The following NRG2 variants were observed in gnomAD, a reference collection of about 807,000 sequenced individuals.
The protein encoded by NRG2 is neuregulin 2.
Under a neutral mutation model 73.9 loss-of-function variants are expected in NRG2, and 27 were observed. The ratio of observed to expected loss-of-function variants is 0.37; its 90% CI spans 0.27 to 0.50. NRG2 has a LOEUF of 0.50. Among genes scored for constraint, NRG2 ranks in the 20% least tolerant of loss-of-function variants. NRG2 has a pLI of 0.96. For missense variants in NRG2, 1,126 were observed against 1,210.1 expected (o/e 0.93, Z 1.03); for synonymous variants, 532 against 541.0 (o/e 0.98, Z 0.23).
At chr5:139,899,902 C>A (rs901203194) in intron 1 of NRG2, among the ~76,000 whole-genome samples, 1 of 152,188 alleles carries the variant, frequency 6.6e-6, no homozygotes, top group Non-Finnish European at 1.5e-5. Flanking sequence ...GCCACTAATT[C>A]ATGGTTAATC....
At chr5:139,968,459 C>T (rs750672580) in intron 1 of NRG2, among the ~76,000 whole-genome samples, 2 of 152,186 alleles carry the variant, frequency 1.3e-5, no homozygotes, top group Non-Finnish European at 2.9e-5. Flanking sequence ...TTTTCTGACT[C>T]TGCAAGCCTG....
intron 5 of NRG2, among the ~76,000 whole-genome samples, chr5:139,861,417 T>C (rs1445097041): frequency 6.6e-6 from 1 of 152,178 alleles, no homozygotes; most frequent in South Asian, 2.1e-4. Context: ...GGTTCTGCAT[T>C]TGGAAAAGGG....
intron 1 of NRG2, among the ~76,000 whole-genome samples, chr5:139,913,273 G>T (rs1053964926): frequency 6.6e-6 from 1 of 152,226 alleles, no homozygotes; most frequent in African/African-American, 2.4e-5. Flanking sequence ...CCCTGTATCC[G>T]TTTCTTATAC....
Position 139,849,245 on chromosome 5 carries a change from G to A in NRG2, c.1773-548C>T, listed in dbSNP as rs867353714. On this transcript the variant is annotated intron_variant, in intron 9 of 9. Transcript: ENST00000361474. ...AAGTGGCAGAGCTGGGATGTGACTTGAGGCTAGTCAGGAACCAGGACTCAT... is the reference window on the plus strand; with the variant it reads ...AAGTGGCAGAGCTGGGATGTGACTTAAGGCTAGTCAGGAACCAGGACTCAT... Among the ~76,000 whole-genome samples the A allele has an allele frequency of 7.2e-5, 11 of 152,272 alleles. 1 individual carries two copies. The highest frequency in any genetic ancestry group is 2.2e-4 in the African/African-American group (9 of 41,524).
Position 139,851,766 on chromosome 5 carries a change from A to T in NRG2, c.1610T>A (p.Ile537Asn). Residue 537 changes from isoleucine to asparagine, a missense_variant, in exon 9 of 10, where the codon ATC becomes AAC. Around this residue, in one of 3 missense-constraint regions of NRG2, gnomAD observed 539 missense variants for 703.2 expected, o/e 0.77. Transcript: ENST00000361474. This position sits in a 1 kb window ranked among gnomAD's most constrained non-coding sequence, Gnocchi z 4.2. ...ESLTSDSQSG[I>N]MLSSVGTSKC... is the part of the protein sequence containing the mutation. ...GCTGGTACCCACTGATGATAGCATG[A>T]TCCCCGACTGGGAGTCAGAAGTCAG... The T allele has an allele frequency of 6.2e-7, 1 of 1,614,210 alleles. No individual in the cohort carries two copies. Among genetic ancestry groups the T allele is most frequent in the Middle Eastern group, 1.6e-4 (1 of 6,062 alleles).
At position 139,870,701 on chromosome 5, in the gene NRG2, G is replaced by A. The variant is rs376256892; in HGVS notation, c.1112+1020C>T. On this transcript the variant is annotated intron_variant, in intron 4 of 9. Transcript: ENST00000361474. This position sits in a 1 kb window ranked among gnomAD's most constrained non-coding sequence, Gnocchi z 4.4. Reference sequence around the variant, plus strand: ...GCTTGGGCTGCTTTGAAACACTGAAGTTATTAACTAGGCCCCCCTCCCACT... The same window carrying A: ...GCTTGGGCTGCTTTGAAACACTGAAATTATTAACTAGGCCCCCCTCCCACT... Among the ~76,000 whole-genome samples the A allele has an allele frequency of 1.2e-4, 18 of 152,304 alleles. No homozygotes were observed. The East Asian group carries it at 2.5e-3, about 21-fold the overall frequency.
At chr5:139,912,477 C>T (rs1014227529) in intron 1 of NRG2, among the ~76,000 whole-genome samples, 1 of 152,102 alleles carries the variant, frequency 6.6e-6, no homozygotes, top group Non-Finnish European at 1.5e-5. Context: ...CCTCAATGGA[C>T]GATGTCACAG....
In NRG2 at chr5:139,931,471, C is replaced by G. The variant is rs573786638; in HGVS notation, c.701-43960G>C. On this transcript the variant is annotated intron_variant, in intron 1 of 9. Coordinates refer to ENST00000361474, the MANE Select transcript of NRG2 (RefSeq NM_004883.3). ...GGAAGAGATGAAACAGAAAGGAGGCCCTTCCCCTGGTCCGAGGCTACAAGG... is the reference window on the plus strand; with the variant it reads ...GGAAGAGATGAAACAGAAAGGAGGCGCTTCCCCTGGTCCGAGGCTACAAGG... Among the ~76,000 whole-genome samples the G allele has an allele frequency of 3.9e-5, 6 of 152,160 alleles. No individual in the cohort carries two copies. The South Asian group carries it at 1.2e-3, about 32-fold the overall frequency.
At chr5:139,883,430 G>GT (rs397952588) in intron 2 of NRG2, among the ~76,000 whole-genome samples, 4 of 152,002 alleles carry the variant, frequency 2.6e-5, no homozygotes, top group African/African-American at 2.4e-5. Context: ...ATTTGGGGGG[G>GT]CAGTTTGCTC....
intron 1 of NRG2, among the ~76,000 whole-genome samples, chr5:139,972,823 A>G (rs1262636833): frequency 6.6e-6 from 1 of 152,232 alleles, no homozygotes; most frequent in Non-Finnish European, 1.5e-5. Flanking sequence ...ATATATAAGG[A>G]ACCTTGTAAC....
intron 1 of NRG2, among the ~76,000 whole-genome samples, chr5:139,941,216 C>T (rs756157245): frequency 1.4e-4 from 21 of 152,044 alleles, no homozygotes; most frequent in African/African-American, 2.7e-4. Context: ...TAAAGATTTT[C>T]GACTTCATGG....
intron 1 of NRG2, among the ~76,000 whole-genome samples, chr5:139,913,062 A>T (rs1206082712): frequency 6.6e-6 from 1 of 152,146 alleles, no homozygotes; most frequent in Non-Finnish European, 1.5e-5. Context: ...TTCCAAGCCC[A>T]GTCTGTGGAT....
At chr5:139,927,298 A>G (rs1367967618) in intron 1 of NRG2, among the ~76,000 whole-genome samples, 6 of 151,866 alleles carry the variant, frequency 4.0e-5, no homozygotes, top group Admixed American at 3.9e-4. Flanking sequence ...TGCTGTGCTT[A>G]TTCTTGGCTC....
Position 140,042,934 on chromosome 5 carries a change from T to C in NRG2, c.136A>G (p.Ser46Gly). Residue 46 changes from serine to glycine, a missense_variant, in exon 1 of 10, where the codon AGC becomes GGC. Around this residue, in one of 3 missense-constraint regions of NRG2, gnomAD observed 185 missense variants for 149.0 expected, o/e 1.24. Transcript: ENST00000361474. The part of the protein sequence containing the change: ...SSSSSSESGS[S>G]SRSSSNNSSI... ...CTGTTGTTGCTGCTGCTCCTGCTGC[T>C]GCTGCCGCTCTCGCTGCTGCTGCTG... The C allele has an allele frequency of 3.2e-6, 5 of 1,542,180 alleles. No individual in the cohort carries two copies. In the East Asian group the frequency reaches 1.2e-4, roughly 38 times the overall value.
chr5:139,952,362 AGAG>A (rs1228843649), intron 1 of NRG2, among the ~76,000 whole-genome samples: 1 of 152,140 alleles, frequency 6.6e-6, no homozygotes, highest in Non-Finnish European at 1.5e-5. Flanking sequence ...GAAGAGGAAA[AGAG>A]GAAAATGAGG....
chr5:139,870,397 C>T lies in NRG2; in HGVS notation c.1112+1324G>A, dbSNP rs989482422. ...GAGGAAGCCAGCTGAGGAGGCCAGCCGGGGCAAGAGCCCCTCGTTACCATG... is the reference window on the plus strand; with the variant it reads ...GAGGAAGCCAGCTGAGGAGGCCAGCTGGGGCAAGAGCCCCTCGTTACCATG... On this transcript the variant is annotated intron_variant, in intron 4 of 9. Transcript: ENST00000361474. The surrounding 1 kb of genome is among the most constrained non-coding windows in gnomAD (Gnocchi z 4.4). Among the ~76,000 whole-genome samples the T allele has an allele frequency of 7.2e-5, 11 of 152,210 alleles. No homozygotes were observed. Among genetic ancestry groups the T allele is most frequent in the East Asian group, 1.9e-4 (1 of 5,160 alleles).
intron 2 of NRG2, among the ~76,000 whole-genome samples, chr5:139,881,969 C>T (rs1445357485): frequency 1.3e-5 from 2 of 152,188 alleles, no homozygotes; most frequent in Non-Finnish European, 2.9e-5. Context: ...CCTTCCTCTG[C>T]CTCCAAGGGC....
chr5:139,881,983 C>A (rs1422208651), intron 2 of NRG2, among the ~76,000 whole-genome samples: 3 of 152,222 alleles, frequency 2.0e-5, no homozygotes, highest in African/African-American at 7.2e-5. Flanking sequence ...CAAGGGCCAG[C>A]ATGAGCTCTG....
intron 1 of NRG2, among the ~76,000 whole-genome samples, chr5:139,918,657 C>T (rs887974322): frequency 1.3e-5 from 2 of 152,096 alleles, no homozygotes; most frequent in South Asian, 2.1e-4. Context: ...GAAAGAGCCG[C>T]GTGAGCTATT....
Sources: allele counts gnomAD v4.1 joint callset (sites outside exome capture counted in the v4.1 genomes callset), GRCh38; gene constraint gnomAD v4.1.1; regional missense constraint gnomAD v4.1.1; non-coding constraint Gnocchi (gnomAD v3.1); transcripts MANE v1.5; gene names NCBI Gene and HGNC (gene_info 2026-07-23, HGNC 2026-07-21).